ZNF521: variants seen among roughly 807,000 people sequenced by gnomAD.
ZNF521 encodes zinc finger protein 521.
Under a neutral mutation model 105.5 loss-of-function variants are expected in ZNF521, and 14 were observed. The observed-to-expected ratio is 0.13, with a 90% CI of 0.09 to 0.21. ZNF521 has a LOEUF of 0.21. ZNF521 is among the 10% of genes least tolerant of loss of function. ZNF521 has a pLI of 1.00. For synonymous variants in ZNF521, 635 were observed against 606.0 expected (o/e 1.05, Z -0.70); for missense variants, 1,233 against 1,629.7 (o/e 0.76, Z 4.19).
At chr18:25,140,795 AC>A (rs2034832551) in intron 5 of ZNF521, among the ~76,000 whole-genome samples, 1 of 152,156 alleles carries the variant, frequency 6.6e-6, no homozygotes, top group South Asian at 2.1e-4. Flanking sequence ...AGTGTAGAAA[AC>A]AAAGTGCACA....
At chr18:25,166,951 A>G (rs1181922526) in intron 5 of ZNF521, among the ~76,000 whole-genome samples, 1 of 152,200 alleles carries the variant, frequency 6.6e-6, no homozygotes, top group East Asian at 1.9e-4. Context: ...GAAAATAATG[A>G]TTACTTTTTT....
At chr18:25,316,191 G>GTT (rs1912602944) in intron 3 of ZNF521, among the ~76,000 whole-genome samples, 1 of 151,892 alleles carries the variant, frequency 6.6e-6, no homozygotes, top group East Asian at 1.9e-4. Flanking sequence ...TAAGACCATG[G>GTT]AACGGGCAGG....
At chr18:25,267,128 GT>G (rs1909323792) in intron 3 of ZNF521, among the ~76,000 whole-genome samples, 1 of 152,216 alleles carries the variant, frequency 6.6e-6, no homozygotes, top group African/African-American at 2.4e-5. Flanking sequence ...TGAGTAGGCA[GT>G]TTTACCCTCA....
intron 5 of ZNF521, among the ~76,000 whole-genome samples, chr18:25,112,993 G>A (rs1208586648): frequency 6.8e-6 from 1 of 146,258 alleles, no homozygotes; most frequent in Admixed American, 7.0e-5. Context: ...GTACCCGCCT[G>A]CCTGTAAAAT....
intron 5 of ZNF521, among the ~76,000 whole-genome samples, chr18:25,191,563 C>A (rs900936822): frequency 2.6e-5 from 4 of 152,116 alleles, no homozygotes; most frequent in Non-Finnish European, 4.4e-5. Flanking sequence ...ATGCCAACCT[C>A]CATAGTGATC....
At chr18:25,205,980 C>T (rs2036071523) in intron 4 of ZNF521, among the ~76,000 whole-genome samples, 1 of 151,812 alleles carries the variant, frequency 6.6e-6, no homozygotes, top group Admixed American at 6.6e-5. Flanking sequence ...AAGGCTCTGT[C>T]TTATTCATTT....
intron 3 of ZNF521, among the ~76,000 whole-genome samples, chr18:25,321,269 T>C (rs753251814): frequency 3.0e-4 from 45 of 152,198 alleles, no homozygotes; most frequent in Non-Finnish European, 5.4e-4. Flanking sequence ...TGCATTCTTG[T>C]AGGATATATT....
chr18:25,311,543 A>G (rs184363430), intron 3 of ZNF521, among the ~76,000 whole-genome samples: 416 of 152,290 alleles, frequency 2.7e-3, no homozygotes, highest in Admixed American at 5.0e-3. Context: ...CAGAGGGCCT[A>G]AGAAATAGTG....
chr18:25,117,054 T>TCC (rs1555635752), intron 5 of ZNF521, among the ~76,000 whole-genome samples: 1 of 64,674 alleles, frequency 1.5e-5, no homozygotes, highest in Non-Finnish European at 3.5e-5. Flanking sequence ...CACATATATA[T>TCC]ACACACACAC....
chr18:25,256,420 T>G (rs1224216244), intron 3 of ZNF521, among the ~76,000 whole-genome samples: 1 of 152,184 alleles, frequency 6.6e-6, no homozygotes. Flanking sequence ...ACAATTAATT[T>G]TTTTAAGTTA....
intron 3 of ZNF521, among the ~76,000 whole-genome samples, chr18:25,234,522 CT>C (rs1017038281): frequency 2.6e-5 from 4 of 151,516 alleles, no homozygotes; most frequent in Admixed American, 6.6e-5. Context: ...TTAGAAACTA[CT>C]TTTTTTTTGA....
chr18:25,296,935 C>T (rs1034477844), intron 3 of ZNF521, among the ~76,000 whole-genome samples: 2 of 152,040 alleles, frequency 1.3e-5, no homozygotes, highest in African/African-American at 4.8e-5. Context: ...ATAGCTGGTA[C>T]TCAATAAATA....
chr18:25,136,818 G>A (rs2034743460), intron 5 of ZNF521: 1 of 152,196 alleles, frequency 6.6e-6, no homozygotes, highest in Non-Finnish European at 1.5e-5. Context: ...CACCCACAGA[G>A]CTGAATTTCA....
chr18:25,139,372 C>CAAAACAAAAAAAAAAAAAAAAA (rs2034800604), intron 5 of ZNF521, among the ~76,000 whole-genome samples: 1 of 51,372 alleles, frequency 1.9e-5, no homozygotes, highest in Non-Finnish European at 3.4e-5. Context: ...GACTCTGTCT[C>CAAAACAAAAAAAAAAAAAAAAA]AAAAAAAAAA....
At chr18:25,101,700 T>C (rs1180505204) in intron 5 of ZNF521, among the ~76,000 whole-genome samples, 3 of 152,060 alleles carry the variant, frequency 2.0e-5, no homozygotes, top group Non-Finnish European at 4.4e-5. Context: ...AAAGAAAATG[T>C]AGGTACTCAA....
At chr18:25,279,200 T>C (rs1353278107) in intron 3 of ZNF521, among the ~76,000 whole-genome samples, 1 of 152,210 alleles carries the variant, frequency 6.6e-6, no homozygotes, top group African/African-American at 2.4e-5. Context: ...ACCAACTTTA[T>C]ATAAGAGGAT....
intron 7 of ZNF521, among the ~76,000 whole-genome samples, chr18:25,074,388 A>C (rs543000085): frequency 1.8e-3 from 281 of 152,296 alleles, no homozygotes; most frequent in Middle Eastern, 0.01. Context: ...TGGAGAAGAG[A>C]AAACATTTCA....
chr18:25,224,703 T>C lies in ZNF521; in HGVS notation c.3215A>G (p.Lys1072Arg), dbSNP rs1358160204. The C allele has an allele frequency of 6.2e-7, 1 of 1,614,076 alleles. No homozygotes were observed. Residue 1072 changes from lysine (K) to arginine (R), a missense_variant, in exon 4 of 8, where the codon AAA becomes AGA. Physicochemically the swap from Lys to Arg is conservative, Grantham distance 26. Around this residue, in one of 6 missense-constraint regions of ZNF521, gnomAD observed 614 missense variants for 751.5 expected, o/e 0.82. Coordinates refer to ENST00000361524, the MANE Select transcript of ZNF521 (RefSeq NM_015461.3). ...QKLYKCASCL[K>R]EFRSKQDLVK... The stretch of plus-strand genomic sequence containing the variant: ...CAGATCTTGCTTGGAACGGAATTCT[T>C]TGAGGCAAGATGCGCACTTATACAG...
intron 5 of ZNF521, among the ~76,000 whole-genome samples, chr18:25,156,270 C>T (rs1354917582): frequency 3.3e-5 from 5 of 152,286 alleles, no homozygotes. Flanking sequence ...TGTTTAATGC[C>T]ACTCAATTAG....
Sources: allele counts gnomAD v4.1 joint callset (sites outside exome capture counted in the v4.1 genomes callset), GRCh38; gene constraint gnomAD v4.1.1; regional missense constraint gnomAD v4.1.1; transcripts MANE v1.5; gene names NCBI Gene and HGNC (gene_info 2026-07-23, HGNC 2026-07-21).